Variants in GRIK3 observed in about 807,000 individuals in gnomAD.
GRIK3 encodes the protein glutamate ionotropic receptor kainate type subunit 3.
In GRIK3, 29 loss-of-function variants were observed where a neutral mutation model predicts 102.5. The observed-to-expected ratio is 0.28, with a 90% CI of 0.21 to 0.39. GRIK3 has a LOEUF of 0.39. Among genes scored for constraint, GRIK3 ranks in the 10% least tolerant of loss-of-function variants. GRIK3 has a pLI of 1.00. For missense variants in GRIK3, 908 were observed against 1,252.4 expected (o/e 0.73, Z 4.15); for synonymous variants, 511 against 504.9 (o/e 1.01, Z -0.16).
At chr1:36,967,052 T>C (rs1447859034) in intron 1 of GRIK3, among the ~76,000 whole-genome samples, 2 of 152,180 alleles carry the variant, frequency 1.3e-5, no homozygotes, top group African/African-American at 4.8e-5. Context: ...TATCAGGTCT[T>C]GTGTTGGGCC....
intron 1 of GRIK3, among the ~76,000 whole-genome samples, chr1:36,897,413 C>T (rs1641183896): frequency 6.6e-6 from 1 of 152,086 alleles, no homozygotes; most frequent in African/African-American, 2.4e-5. Flanking sequence ...GGACAAACTA[C>T]CTAGGACTTA....
At chr1:37,000,845 A>T (rs1022787892) in intron 1 of GRIK3, among the ~76,000 whole-genome samples, 5 of 152,204 alleles carry the variant, frequency 3.3e-5, no homozygotes, top group Non-Finnish European at 7.3e-5. Flanking sequence ...AGCAGCGCAG[A>T]TCCAAATTCC....
intron 4 of GRIK3, among the ~76,000 whole-genome samples, chr1:36,871,277 G>C (rs1031183928): frequency 6.6e-6 from 1 of 152,214 alleles, no homozygotes; most frequent in African/African-American, 2.4e-5. Context: ...GCCAGGGATA[G>C]AGGCTGCCAT....
At position 36,806,720 on chromosome 1, in the gene GRIK3, T is replaced by C. The variant is rs1642505682; in HGVS notation, c.2092-394A>G. Reference sequence around the variant, plus strand: ...CAGCGCTCACAGGAGGCAGGCACCATCACAAGCCCCATTTTACAAATAAAA... The same window carrying C: ...CAGCGCTCACAGGAGGCAGGCACCACCACAAGCCCCATTTTACAAATAAAA... On this transcript the variant is annotated intron_variant, in intron 13 of 15. Transcript: ENST00000373091. This position sits in a 1 kb window ranked among gnomAD's most constrained non-coding sequence, Gnocchi z 4.0. 3.3e-5 allele frequency among the ~76,000 whole-genome samples: 5 copies of C among 152,200 alleles called. No homozygotes were observed. In the South Asian group the frequency reaches 1.0e-3, roughly 32 times the overall value.
chr1:36,926,647 C>G (rs1281116084), intron 1 of GRIK3, among the ~76,000 whole-genome samples: 1 of 152,066 alleles, frequency 6.6e-6, no homozygotes, highest in African/African-American at 2.4e-5. Flanking sequence ...CCTTGGCCTC[C>G]CAAAGTGCTG....
chr1:37,025,798 T>C (rs1348489213), intron 1 of GRIK3, among the ~76,000 whole-genome samples: 1 of 152,236 alleles, frequency 6.6e-6, no homozygotes, highest in Non-Finnish European at 1.5e-5. Context: ...ACCCTTTTAA[T>C]ACAAACCAGA....
At chr1:36,899,451 A>G (rs917722224) in intron 1 of GRIK3, among the ~76,000 whole-genome samples, 1 of 152,210 alleles carries the variant, frequency 6.6e-6, no homozygotes, top group Non-Finnish European at 1.5e-5. Context: ...TTCCACTTAT[A>G]TGAGGTACTT....
intron 2 of GRIK3, among the ~76,000 whole-genome samples, chr1:36,882,763 T>C (rs1640996122): frequency 1.3e-5 from 2 of 152,112 alleles, no homozygotes; most frequent in Non-Finnish European, 2.9e-5. Context: ...CTTGTGCTCA[T>C]AAAGAGGGGC....
At chr1:36,934,436 A>AAACAAAGAACTCTTCACTTCT (rs1641631637) in intron 1 of GRIK3, among the ~76,000 whole-genome samples, 1 of 152,054 alleles carries the variant, frequency 6.6e-6, no homozygotes, top group Non-Finnish European at 1.5e-5. Context: ...TCATTTCCTT[A>AAACAAAGAACTCTTCACTTCT]AACAAAGAAC....
chr1:36,817,518 A>G (rs1226378154), intron 12 of GRIK3, among the ~76,000 whole-genome samples: 1 of 152,244 alleles, frequency 6.6e-6, no homozygotes, highest in Non-Finnish European at 1.5e-5. Flanking sequence ...GAGGGTGGGA[A>G]CCAGCAATAT....
intron 10 of GRIK3, among the ~76,000 whole-genome samples, chr1:36,835,055 T>G (rs1640356301): frequency 6.6e-6 from 1 of 152,226 alleles, no homozygotes; most frequent in Non-Finnish European, 1.5e-5. Context: ...TAATGAAATA[T>G]CACTTGTCTG....
intron 15 of GRIK3, 80 bp downstream of exon 15, chr1:36,804,907 T>C: frequency 6.5e-7 from 1 of 1,533,344 alleles, no homozygotes; most frequent in Non-Finnish European, 8.9e-7. Context: ...GACACCACTG[T>C]GTGCCTGGCA....
In GRIK3 at chr1:37,016,415, C is replaced by T. The variant is rs535104600; in HGVS notation, c.115+17579G>A. ...CAGAAAAGGGCTCAATAAACAATTG[C>T]TGTTATCATCACAATAAACAGGAAT... On this transcript the variant is annotated intron_variant, in intron 1 of 15. Coordinates refer to ENST00000373091, the MANE Select transcript of GRIK3 (RefSeq NM_000831.4). Among the ~76,000 whole-genome samples the T allele has an allele frequency of 5.9e-5, 9 of 152,294 alleles. No homozygotes were observed. In the East Asian group the frequency reaches 1.7e-3, roughly 29 times the overall value.
chr1:36,969,216 G>C (rs953066810), intron 1 of GRIK3, among the ~76,000 whole-genome samples: 2 of 152,042 alleles, frequency 1.3e-5, no homozygotes, highest in Admixed American at 1.3e-4. Context: ...AGTCAAGACA[G>C]CCAGGGGGAG....
intron 1 of GRIK3, among the ~76,000 whole-genome samples, chr1:36,919,963 G>A (rs939288984): frequency 3.3e-5 from 5 of 152,202 alleles, no homozygotes; most frequent in African/African-American, 9.7e-5. Context: ...CTGCAGCTGC[G>A]GATGCTCACT....
At chr1:36,891,126 T>C in intron 1 of GRIK3, 30 bp from the exon 2 acceptor site, 2 of 1,572,916 alleles carry the variant, frequency 1.3e-6, no homozygotes, top group Non-Finnish European at 8.7e-7. Flanking sequence ...TTGTGTGTGG[T>C]TGGGAGGAGG....
chr1:36,804,929 G>A (rs868579703), intron 15 of GRIK3, 58 bp downstream of exon 15: 1 of 1,590,816 alleles, frequency 6.3e-7, no homozygotes, highest in South Asian at 1.1e-5. Flanking sequence ...ATACAGGAGT[G>A]AAATCAGCGC....
intron 1 of GRIK3, among the ~76,000 whole-genome samples, chr1:36,947,288 G>T (rs922045716): frequency 4.6e-5 from 7 of 151,954 alleles, no homozygotes; most frequent in Admixed American, 4.6e-4. Context: ...CCTGGCATCT[G>T]CCCCTCCTCT....
intron 1 of GRIK3, among the ~76,000 whole-genome samples, chr1:36,929,477 AT>A (rs1641564461): frequency 6.6e-6 from 1 of 152,242 alleles, no homozygotes; most frequent in South Asian, 2.1e-4. Context: ...CAGAACAGTA[AT>A]TCCCAAACCA....
Sources: gnomAD v4.1 joint callset for allele counts (sites outside exome capture counted in the v4.1 genomes callset) on GRCh38, gnomAD v4.1.1 for gene constraint, Gnocchi (gnomAD v3.1) non-coding constraint, MANE v1.5 for transcripts, NCBI Gene and HGNC (gene_info 2026-07-23, HGNC 2026-07-21) for gene names.